SOCS2: variants seen among roughly 807,000 people sequenced by gnomAD.
SOCS2 encodes the protein suppressor of cytokine signaling 2.
Under a neutral mutation model 18.6 loss-of-function variants are expected in SOCS2, and 10 were observed. That is an observed-to-expected ratio of 0.54 (90% confidence interval 0.33 to 0.91). The LOEUF (loss-of-function observed/expected upper bound fraction) is 0.91. Ranked by LOEUF, SOCS2 falls within the 40% of genes least tolerant of loss-of-function variation. The pLI, the probability that SOCS2 is intolerant of heterozygous loss-of-function variation, is 0.02. For missense variants in SOCS2, 231 were observed against 247.2 expected (o/e 0.93, Z 0.44); for synonymous variants, 104 against 104.0 (o/e 1.00, Z 0.00).
chr12:93,590,136 C>A, the SOCS2 span, among the ~76,000 whole-genome samples: 1 of 151,956 alleles, frequency 6.6e-6, no homozygotes, highest in African/African-American at 2.4e-5. Flanking sequence ...CCTATAATCT[C>A]AGCTACTCAG....
At chr12:93,616,820 G>C in the SOCS2 span, among the ~76,000 whole-genome samples, 1 of 152,168 alleles carries the variant, frequency 6.6e-6, no homozygotes, top group Non-Finnish European at 1.5e-5. Context: ...ATAAGAATTG[G>C]CGGGCAGGAG....
downstream of SOCS2, among the ~76,000 whole-genome samples, chr12:93,579,696 C>CTT (rs369110767): frequency 1.2e-3 from 188 of 152,264 alleles, no homozygotes; most frequent in African/African-American, 4.3e-3. Flanking sequence ...GTTCAGGTGA[C>CTT]TATTACTATG....
At chr12:93,579,291 G>A (rs1003251743), downstream of SOCS2, among the ~76,000 whole-genome samples, 2 of 152,120 alleles carry the variant, frequency 1.3e-5, no homozygotes, top group Admixed American at 6.5e-5. Flanking sequence ...CTTTCTGGCC[G>A]CATGATACTC....
At chr12:93,619,701 A>C in the SOCS2 span, among the ~76,000 whole-genome samples, 2 of 152,242 alleles carry the variant, frequency 1.3e-5, no homozygotes, top group African/African-American at 4.8e-5. Context: ...TGGAGCCAGG[A>C]TTCCAACTGA....
At chr12:93,616,705 C>T in the SOCS2 span, among the ~76,000 whole-genome samples, 4 of 152,070 alleles carry the variant, frequency 2.6e-5, no homozygotes, top group Admixed American at 6.6e-5. Context: ...CATCCAGTGA[C>T]GTGCTCCGGG....
chr12:93,606,890 T>C, the SOCS2 span, among the ~76,000 whole-genome samples: 2 of 152,160 alleles, frequency 1.3e-5, no homozygotes, highest in Non-Finnish European at 2.9e-5. Context: ...TGGCCTCAAG[T>C]GATCCACATG....
At chr12:93,572,462 A>C, upstream of SOCS2, 1 of 360,990 alleles carries the variant, frequency 2.8e-6, no homozygotes, top group Non-Finnish European at 5.4e-6. The surrounding 1 kb of genome is among the most constrained non-coding windows in gnomAD (Gnocchi z 5.0). Context: ...CCTCCTCCTG[A>C]CCTCCGCCCC....
chr12:93,592,158 C>T, the SOCS2 span, among the ~76,000 whole-genome samples: 2 of 152,038 alleles, frequency 1.3e-5, no homozygotes, highest in Non-Finnish European at 2.9e-5. Context: ...TTAATGCAGT[C>T]GAAGCCTCTA....
At chr12:93,577,437 C>A (rs748892347), downstream of SOCS2, among the ~76,000 whole-genome samples, 3 of 151,738 alleles carry the variant, frequency 2.0e-5, no homozygotes, top group Admixed American at 6.6e-5. Flanking sequence ...TTCCCAAGAA[C>A]GAAATGAGCA....
chr12:93,590,005 G>A, the SOCS2 span, among the ~76,000 whole-genome samples: 1 of 152,154 alleles, frequency 6.6e-6, no homozygotes, highest in South Asian at 2.1e-4. Flanking sequence ...TGTAATCCCA[G>A]CACTTTGGGA....
chr12:93,574,736 A>G lies in SOCS2; in HGVS notation c.154A>G (p.Ser52Gly), dbSNP rs1954405074. ...ELGQTGWYWG[S>G]MTVNEAKEKL... ...AAAAACCCCAGGATGGTACTGGGGA[A>G]GTATGACTGTTAATGAAGCCAAAGA... The change falls in exon 2 of 2, where the codon AGT becomes GGT. Residue 52 changes from serine (S) to glycine (G), a missense_variant. Physicochemically the swap from Ser to Gly is moderately conservative, Grantham distance 56. Around this residue, in one of 3 missense-constraint regions of SOCS2, gnomAD observed 106 missense variants for 103.8 expected, o/e 1.02. Transcript: ENST00000551556. 1 of 1,611,724 alleles carries G rather than the reference A, an allele frequency of 6.2e-7. No homozygotes were observed. Among genetic ancestry groups the G allele is most frequent in the Non-Finnish European group, 8.5e-7 (1 of 1,178,800 alleles).
At chr12:93,622,370 C>A in the SOCS2 span, among the ~76,000 whole-genome samples, 1 of 152,144 alleles carries the variant, frequency 6.6e-6, no homozygotes, top group African/African-American at 2.4e-5. Flanking sequence ...TACAGAGGCA[C>A]AAAAGTGTTG....
chr12:93,579,438 T>C (rs1245919405), downstream of SOCS2, among the ~76,000 whole-genome samples: 1 of 151,916 alleles, frequency 6.6e-6, no homozygotes, highest in Non-Finnish European at 1.5e-5. Context: ...GATGCCACAC[T>C]TTTGTTATGG....
chr12:93,608,265 T>C, the SOCS2 span, among the ~76,000 whole-genome samples: 1 of 152,060 alleles, frequency 6.6e-6, no homozygotes, highest in Non-Finnish European at 1.5e-5. Context: ...CCTCCCAAAC[T>C]GTTGAGATTA....
the SOCS2 span, among the ~76,000 whole-genome samples, chr12:93,604,835 C>CT: frequency 3.3e-5 from 5 of 151,464 alleles, no homozygotes; most frequent in East Asian, 2.0e-4. Context: ...ATATTTTTTT[C>CT]TTTTTTGTAG....
chr12:93,614,497 TTCCTTCCTTCCTTCCTTCCTTCCTTCC>T, the SOCS2 span, among the ~76,000 whole-genome samples: 3 of 51,616 alleles, frequency 5.8e-5, 1 homozygote, highest in East Asian at 2.0e-3. Context: ...CCTTCCTTCC[TTCCTTCCTTCCTTCCTTCCTTCCTTCC>T]TTCCTTCCTT....
the SOCS2 span, among the ~76,000 whole-genome samples, chr12:93,589,268 T>A: frequency 6.6e-6 from 1 of 152,244 alleles, no homozygotes; most frequent in African/African-American, 2.4e-5. Context: ...ACTGATAGAT[T>A]TCAAAGGCAT....
the SOCS2 span, among the ~76,000 whole-genome samples, chr12:93,626,043 C>T: frequency 4.6e-5 from 7 of 152,256 alleles, no homozygotes; most frequent in South Asian, 1.4e-3. Flanking sequence ...GTGGACACCA[C>T]GGCAAATCCT....
chr12:93,580,064 G>A (rs1402950224), downstream of SOCS2, among the ~76,000 whole-genome samples: 1 of 152,234 alleles, frequency 6.6e-6, no homozygotes, highest in South Asian at 2.1e-4. Flanking sequence ...AGGAAATATC[G>A]CCAGCTGCCT....
Sources: allele counts gnomAD v4.1 joint callset (sites outside exome capture counted in the v4.1 genomes callset), GRCh38; gene constraint gnomAD v4.1.1; regional missense constraint gnomAD v4.1.1; non-coding constraint Gnocchi (gnomAD v3.1); transcripts MANE v1.5; gene names NCBI Gene and HGNC (gene_info 2026-07-23, HGNC 2026-07-21).